Variants in INSYN2A observed in about 807,000 individuals in gnomAD.
INSYN2A encodes family with sequence similarity 196 member A.
In INSYN2A, 17 loss-of-function variants were observed where a neutral mutation model predicts 39.4. The observed-to-expected ratio is 0.43, with a 90% CI of 0.30 to 0.65. The LOEUF is 0.65. Among genes scored for constraint, INSYN2A ranks in the 30% least tolerant of loss-of-function variants. INSYN2A has a pLI of 0.14. For missense variants in INSYN2A, 595 were observed against 631.2 expected, an observed-to-expected ratio of 0.94 and a Z score of 0.61; for synonymous variants, 255 against 265.7, an observed-to-expected ratio of 0.96 and a Z score of 0.39.
In INSYN2A at chr10:127,175,573, C is replaced by T; in HGVS notation, c.823G>A (p.Ala275Thr). The T allele has an allele frequency of 3.1e-6, 5 of 1,611,998 alleles. No individual in the cohort carries two copies. Among genetic ancestry groups the T allele is most frequent in the Non-Finnish European group, 4.2e-6 (5 of 1,179,900 alleles). ...APEPGLSDSA[A>T]ASQWSLCPAD... The stretch of plus-strand genomic sequence containing the variant: ...GGGCAGAGTGACCACTGGCTGGCGG[C>T]TGCAGAGTCTGACAAACCAGGCTCG... Residue 275 changes from alanine to threonine, a missense_variant, in exon 4 of 6, where the codon GCC becomes ACC. This residue lies in a region of INSYN2A where 478 missense variants were observed against 467.4 expected (regional missense o/e 1.02). Transcript: ENST00000522781. This position sits in a 1 kb window ranked among gnomAD's most constrained non-coding sequence, Gnocchi z 6.3.
At chr10:127,181,689 A>T (rs2133971917) in intron 2 of INSYN2A, among the ~76,000 whole-genome samples, 1 of 152,306 alleles carries the variant, frequency 6.6e-6, no homozygotes, top group Middle Eastern at 3.4e-3. Context: ...CCTGAACATG[A>T]GGCTACTCAG....
intron 4 of INSYN2A, among the ~76,000 whole-genome samples, chr10:127,158,739 G>A (rs2053316449): frequency 6.6e-6 from 1 of 152,194 alleles, no homozygotes; most frequent in African/African-American, 2.4e-5. Flanking sequence ...GGGTGCTAAT[G>A]ATAAGCATGT....
intron 2 of INSYN2A, among the ~76,000 whole-genome samples, chr10:127,177,440 C>A (rs577615785): frequency 3.3e-5 from 5 of 152,212 alleles, no homozygotes; most frequent in African/African-American, 1.2e-4. Context: ...TTGATGGCTG[C>A]GCTTAAAGCA....
Position 127,196,565 on chromosome 10 carries a change from G to A in INSYN2A, c.-963C>T, listed in dbSNP as rs1236842876. On this transcript the variant is annotated 5_prime_UTR_variant, in exon 1 of 6. Coordinates refer to ENST00000522781, the MANE Select transcript of INSYN2A (RefSeq NM_001039762.3). ...CCGCGCGCCTGCCGCCTGTGCGCCC[G>A]GCTGGCACCGAGGCGGGCGGAGCCC... Among the ~76,000 whole-genome samples the A allele has an allele frequency of 1.4e-5, 2 of 146,900 alleles. No homozygotes were observed. The highest frequency in any genetic ancestry group is 2.5e-5 in the African/African-American group (1 of 40,752).
At chr10:127,186,639 C>G (rs2056300280) in intron 2 of INSYN2A, among the ~76,000 whole-genome samples, 1 of 151,298 alleles carries the variant, frequency 6.6e-6, no homozygotes, top group Non-Finnish European at 1.5e-5. Context: ...GGGGCATAAA[C>G]ATATGAATGA....
chr10:127,190,863 C>G (rs553962143), intron 2 of INSYN2A, among the ~76,000 whole-genome samples: 1 of 152,050 alleles, frequency 6.6e-6, no homozygotes, highest in South Asian at 2.1e-4. Context: ...CTGGCACATT[C>G]TCATCTGTGA....
intron 5 of INSYN2A, among the ~76,000 whole-genome samples, chr10:127,145,218 G>C (rs2051690232): frequency 1.3e-5 from 2 of 152,042 alleles, no homozygotes; most frequent in African/African-American, 2.4e-5. Context: ...AGAGAACCTG[G>C]CATCCCATAA....
intron 1 of INSYN2A, among the ~76,000 whole-genome samples, chr10:127,195,103 C>T (rs1272503008): frequency 6.6e-6 from 1 of 152,216 alleles, no homozygotes; most frequent in Non-Finnish European, 1.5e-5. Flanking sequence ...CTCCCTGTGG[C>T]ATATTTTTGG....
chr10:127,138,253 T>C (rs1225617063), intron 5 of INSYN2A, among the ~76,000 whole-genome samples: 3 of 152,230 alleles, frequency 2.0e-5, no homozygotes, highest in Non-Finnish European at 4.4e-5. Context: ...ATCTTTAATA[T>C]TGTGTTAATG....
Position 127,176,102 on chromosome 10 carries a change from G to C in INSYN2A, c.294C>G (p.Asn98Lys). The change falls in exon 4 of 6, where the codon AAC becomes AAG. Residue 98 changes from asparagine (N) to lysine (K), a missense_variant. Physicochemically the swap from Asn to Lys is moderately conservative, Grantham distance 94 (BLOSUM62 0). This residue lies in a region of INSYN2A where 478 missense variants were observed against 467.4 expected (regional missense o/e 1.02). Coordinates refer to ENST00000522781, the MANE Select transcript of INSYN2A (RefSeq NM_001039762.3). The surrounding 1 kb of genome is among the most constrained non-coding windows in gnomAD (Gnocchi z 4.4). ...MTVPARRSIP[N>K]VTKSTGVQTS... ...TCTGCACGCCTGTGCTCTTGGTGAC[G>C]TTGGGGATGGACCTGCGTGCGGGCA... 1 of 1,614,166 alleles carries C rather than the reference G, an allele frequency of 6.2e-7. No individual in the cohort carries two copies. The highest frequency in any genetic ancestry group is 8.5e-7 in the Non-Finnish European group (1 of 1,180,042).
intron 4 of INSYN2A, among the ~76,000 whole-genome samples, chr10:127,172,519 C>T (rs1040018611): frequency 4.6e-5 from 7 of 152,092 alleles, no homozygotes; most frequent in African/African-American, 1.7e-4. Flanking sequence ...ATGGAGAAGA[C>T]GGGTGGGAAA....
At chr10:127,168,815 C>G (rs931991928) in intron 4 of INSYN2A, among the ~76,000 whole-genome samples, 2 of 152,208 alleles carry the variant, frequency 1.3e-5, no homozygotes, top group African/African-American at 4.8e-5. Flanking sequence ...CGTTTATGCA[C>G]AGCTGCTGCA....
chr10:127,182,308 C>CA (rs1589816911), intron 2 of INSYN2A, among the ~76,000 whole-genome samples: 1 of 151,978 alleles, frequency 6.6e-6, no homozygotes, highest in African/African-American at 2.4e-5. Flanking sequence ...TCTTAACGAA[C>CA]AAAAAAACCT....
chr10:127,143,585 G>T (rs555720424), intron 5 of INSYN2A, among the ~76,000 whole-genome samples: 34 of 152,304 alleles, frequency 2.2e-4, no homozygotes, highest in African/African-American at 7.5e-4. Flanking sequence ...GTAGCTTTGG[G>T]TAGGACCAGC....
At position 127,137,025 on chromosome 10, in the gene INSYN2A, T is replaced by G. The variant is rs1262645083; in HGVS notation, c.*812A>C. On this transcript the variant is annotated 3_prime_UTR_variant, in exon 6 of 6. Coordinates refer to ENST00000522781, the MANE Select transcript of INSYN2A (RefSeq NM_001039762.3). ...TCAGATTCTTGCCAGAATGTATTATTTGGCCTTTGGGTACCAAAAGATTAA... is the reference window on the plus strand; with the variant it reads ...TCAGATTCTTGCCAGAATGTATTATGTGGCCTTTGGGTACCAAAAGATTAA... The G allele has an allele frequency of 6.6e-6, 1 of 152,642 alleles. No individual in the cohort carries two copies. The highest frequency in any genetic ancestry group is 1.5e-5 in the Non-Finnish European group (1 of 68,032). 9.5% of individuals were successfully genotyped at this position (152,642 alleles called of 1,614,324 possible).
intron 4 of INSYN2A, among the ~76,000 whole-genome samples, chr10:127,174,302 C>T (rs548398554): frequency 6.6e-6 from 1 of 152,266 alleles, no homozygotes; most frequent in African/African-American, 2.4e-5. Flanking sequence ...TTTCAAGGGG[C>T]AATGGGCAAG....
chr10:127,143,546 G>A (rs550799391), intron 5 of INSYN2A, among the ~76,000 whole-genome samples: 2 of 152,304 alleles, frequency 1.3e-5, no homozygotes, highest in African/African-American at 4.8e-5. Context: ...GAGGGCAGGT[G>A]CACCAGGATG....
At chr10:127,150,537 C>T (rs2052388836) in intron 5 of INSYN2A, among the ~76,000 whole-genome samples, 1 of 152,182 alleles carries the variant, frequency 6.6e-6, no homozygotes, top group South Asian at 2.1e-4. Flanking sequence ...ATGCTGGGAC[C>T]CTTAACTAAC....
intron 4 of INSYN2A, among the ~76,000 whole-genome samples, chr10:127,172,493 T>C (rs2054665228): frequency 6.6e-6 from 1 of 152,150 alleles, no homozygotes; most frequent in African/African-American, 2.4e-5. Flanking sequence ...GCTGCAGTCC[T>C]CTCCTATGTT....
Sources: gnomAD v4.1 joint callset for allele counts (sites outside exome capture counted in the v4.1 genomes callset) on GRCh38, gnomAD v4.1.1 for gene constraint, gnomAD v4.1.1 regional missense constraint, Gnocchi (gnomAD v3.1) non-coding constraint, MANE v1.5 for transcripts, NCBI Gene and HGNC (gene_info 2026-07-23, HGNC 2026-07-21) for gene names.